The following INO80 variants were observed in gnomAD, a reference collection of about 807,000 sequenced individuals.
INO80 encodes chromatin-remodeling ATPase INO80.
INO80 carries 20 observed loss-of-function variants against 203.4 expected under a neutral mutation model. The observed-to-expected ratio is 0.10, with a 90% CI of 0.07 to 0.14. The LOEUF (loss-of-function observed/expected upper bound fraction) is 0.14, where lower values mean the gene tolerates loss of function less well. Ranked by LOEUF, INO80 falls within the 10% of genes least tolerant of loss-of-function variation. INO80 has a pLI of 1.00. For synonymous variants in INO80, 726 were observed against 685.2 expected (o/e 1.06, Z -0.93); for missense variants, 1,419 against 1,914.4 (o/e 0.74, Z 4.83).
At chr15:41,057,146 T>C (rs1566931685) in intron 16 of INO80, among the ~76,000 whole-genome samples, 3 of 152,160 alleles carry the variant, frequency 2.0e-5, no homozygotes, top group South Asian at 4.1e-4. Flanking sequence ...TGAATCTTCA[T>C]TGCTCCTGGC....
At chr15:41,115,028 AATC>A (rs2046009820) in intron 1 of INO80, among the ~76,000 whole-genome samples, 1 of 152,210 alleles carries the variant, frequency 6.6e-6, no homozygotes, top group East Asian at 1.9e-4. Flanking sequence ...TTGGTATTTG[AATC>A]ATATTTCAAT....
At chr15:41,016,253 T>G (rs1227742503) in intron 26 of INO80, 38 bp from the exon 27 acceptor site, 2 of 1,599,546 alleles carry the variant, frequency 1.3e-6, no homozygotes, top group Non-Finnish European at 8.5e-7. Context: ...GAACTGTATT[T>G]AATTGAAGCG....
intron 31 of INO80, 57 bp from the exon 32 acceptor site, chr15:40,985,483 CT>C (rs1212329578): frequency 1.1e-5 from 14 of 1,259,576 alleles, no homozygotes; most frequent in Admixed American, 3.4e-5. Flanking sequence ...ATAATCCTCA[CT>C]CTCTTAATTA....
At chr15:40,988,125 A>G in intron 29 of INO80, 151 bp from the exon 30 acceptor site, 1 of 574,278 alleles carries the variant, frequency 1.7e-6, no homozygotes, top group Non-Finnish European at 3.0e-6. Context: ...ATCTTAGAAG[A>G]TACAAAGCCG....
chr15:41,021,444 C>T (rs1302791117), intron 25 of INO80, among the ~76,000 whole-genome samples: 1 of 152,228 alleles, frequency 6.6e-6, no homozygotes, highest in Admixed American at 6.5e-5. Context: ...GCCACCTCCC[C>T]TTCACTGCTA....
intron 23 of INO80, 29 bp downstream of exon 23, chr15:41,047,379 T>A: frequency 2.1e-6 from 3 of 1,462,354 alleles, no homozygotes; most frequent in Non-Finnish European, 2.9e-6. Context: ...CTAACTGGCC[T>A]CTTATCAAGC....
intron 14 of INO80, among the ~76,000 whole-genome samples, chr15:41,066,103 C>T (rs1314576770): frequency 2.0e-5 from 3 of 151,650 alleles, no homozygotes; most frequent in Admixed American, 6.6e-5. Context: ...CTCAGCCTCC[C>T]GAGTAGCTGG....
intron 1 of INO80, among the ~76,000 whole-genome samples, chr15:41,105,082 C>T (rs2045863320): frequency 6.6e-6 from 1 of 152,136 alleles, no homozygotes; most frequent in South Asian, 2.1e-4. Context: ...TGTACACTAA[C>T]TGGATCCTGC....
Position 41,040,503 on chromosome 15 carries a change from T to C in INO80, c.2907+4401A>G, listed in dbSNP as rs559671196. Among the ~76,000 whole-genome samples, 9 of 152,218 alleles carry C rather than the reference T, an allele frequency of 5.9e-5. No homozygotes were observed. In the South Asian group the frequency reaches 1.0e-3, roughly 18 times the overall value. The stretch of plus-strand genomic sequence containing the variant: ...TCAATAAACGGGATATGGAGAGAAA[T>C]AGAATTATCTTCGCGAATTTGTTGG... On this transcript the variant is annotated intron_variant, in intron 24 of 35. Coordinates refer to ENST00000648947, the MANE Select transcript of INO80 (RefSeq NM_017553.3).
At chr15:41,005,555 A>G in intron 28 of INO80, 38 bp downstream of exon 28, 1 of 1,138,006 alleles carries the variant, frequency 8.8e-7, no homozygotes, top group Non-Finnish European at 1.3e-6. Context: ...CTAGAGGGAA[A>G]TTAAAAAGAT....
At chr15:41,101,090 A>C (rs987202053) in intron 1 of INO80, among the ~76,000 whole-genome samples, 2 of 152,112 alleles carry the variant, frequency 1.3e-5, no homozygotes, top group Non-Finnish European at 2.9e-5. Flanking sequence ...TCAGCCTCCC[A>C]AAGTAGTGGG....
chr15:41,017,843 G>A (rs2044233728), intron 26 of INO80: 1 of 152,076 alleles, frequency 6.6e-6, no homozygotes, highest in Non-Finnish European at 1.5e-5. Flanking sequence ...TCTTCTTTTT[G>A]TTGGTCTCCT....
chr15:41,068,205 A>G (rs2045254058), intron 14 of INO80, among the ~76,000 whole-genome samples: 1 of 151,752 alleles, frequency 6.6e-6, no homozygotes, highest in South Asian at 2.1e-4. Flanking sequence ...AAGGATGACT[A>G]GAGGCCAGGA....
intron 6 of INO80, 97 bp from the exon 7 acceptor site, chr15:41,085,680 A>T: frequency 1.2e-6 from 1 of 851,948 alleles, no homozygotes; most frequent in East Asian, 2.6e-5. Context: ...TCCTTATTCC[A>T]CCTGACACTG....
chr15:41,087,132 GAA>G (rs552677570), intron 6 of INO80, among the ~76,000 whole-genome samples: 1 of 140,164 alleles, frequency 7.1e-6, no homozygotes. Context: ...AAATATTCAG[GAA>G]AAAAAAAAAA....
chr15:41,044,711 G>C (rs1218926174), intron 24 of INO80, among the ~76,000 whole-genome samples, 193 bp downstream of exon 24: 1 of 151,656 alleles, frequency 6.6e-6, no homozygotes, highest in Non-Finnish European at 1.5e-5. Flanking sequence ...AAAACATTTT[G>C]AAAATATAAA....
chr15:41,067,202 G>A (rs958363478), intron 14 of INO80, among the ~76,000 whole-genome samples: 14 of 151,816 alleles, frequency 9.2e-5, no homozygotes, highest in Admixed American at 2.6e-4. Context: ...TCAGCCTCCC[G>A]AGTAGCTGGG....
In INO80 at chr15:41,040,715, A is replaced by G. The variant is rs140359023; in HGVS notation, c.2907+4189T>C. On this transcript the variant is annotated intron_variant, in intron 24 of 35. Transcript: ENST00000648947. ...GCAAACCTAACCCTAACCTAACCCT[A>G]ATCCTGAGCTACGACTGCATCAGTG... 3.9e-5 allele frequency among the ~76,000 whole-genome samples: 6 copies of G among 152,104 alleles called. No homozygotes were observed. In the South Asian group the frequency reaches 1.0e-3, roughly 26 times the overall value.
chr15:41,110,780 T>C lies in INO80; in HGVS notation c.-44+5193A>G, dbSNP rs973522272. Among the ~76,000 whole-genome samples, 3 of 152,194 alleles carry C rather than the reference T, an allele frequency of 2.0e-5. No individual in the cohort carries two copies. In the East Asian group the frequency reaches 5.8e-4, roughly 29 times the overall value. ...CCAATTAAGTAAATGATATCACTGT[T>C]TTCCCCTTCTAAAAACATGATTGAA... On this transcript the variant is annotated intron_variant, in intron 1 of 35. Coordinates refer to ENST00000648947, the MANE Select transcript of INO80 (RefSeq NM_017553.3).
Sources: allele counts gnomAD v4.1 joint callset (sites outside exome capture counted in the v4.1 genomes callset), GRCh38; gene constraint gnomAD v4.1.1; transcripts MANE v1.5; gene names NCBI Gene and HGNC (gene_info 2026-07-23, HGNC 2026-07-21).